Variants in DNAJA1 observed in about 807,000 individuals in gnomAD.
DNAJA1 encodes dnaJ homolog subfamily A member 1.
A neutral mutation model predicts 47.6 loss-of-function variants in DNAJA1; 26 were observed. The observed-to-expected ratio is 0.55, with a 90% CI of 0.40 to 0.76. The LOEUF (loss-of-function observed/expected upper bound fraction) is 0.76, where lower values mean the gene tolerates loss of function less well. Among genes scored for constraint, DNAJA1 ranks in the 30% least tolerant of loss-of-function variants. The pLI is 0.00. For synonymous variants in DNAJA1, 165 were observed against 158.4 expected (o/e 1.04, Z -0.31); for missense variants, 315 against 485.0 (o/e 0.65, Z 3.29).
At chr9:33,026,651 G>C (rs1281383423) in intron 2 of DNAJA1, 35 bp downstream of exon 2, 1 of 1,583,908 alleles carries the variant, frequency 6.3e-7, no homozygotes, top group Non-Finnish European at 8.5e-7. Context: ...TATCTGAATA[G>C]TTCTTTGCCA....
At chr9:33,025,852 C>T (rs939472428) in intron 1 of DNAJA1, among the ~76,000 whole-genome samples, 2 of 152,186 alleles carry the variant, frequency 1.3e-5, no homozygotes, top group African/African-American at 4.8e-5. Flanking sequence ...TTCCCCACCG[C>T]CACTTGGGTC....
At chr9:33,030,987 A>T (rs910069165) in intron 5 of DNAJA1, among the ~76,000 whole-genome samples, 1 of 152,238 alleles carries the variant, frequency 6.6e-6, no homozygotes, top group African/African-American at 2.4e-5. Flanking sequence ...TCCATCTTTT[A>T]AAACATTAGA....
At chr9:33,031,192 G>C (rs1243133302) in intron 5 of DNAJA1, among the ~76,000 whole-genome samples, 2 of 152,182 alleles carry the variant, frequency 1.3e-5, no homozygotes, top group Non-Finnish European at 2.9e-5. Context: ...TGCCTCCCGG[G>C]TTCAAGCAGT....
rs775563893 is a variant in DNAJA1 at position 33,037,012 on chromosome 9, T to C, written c.875-3T>C. 8 of 1,603,878 alleles carry C rather than the reference T, an allele frequency of 5.0e-6. No individual in the cohort carries two copies. The South Asian group carries it at 6.7e-5, about 14-fold the overall frequency. On this transcript the variant is annotated splice_region_variant and splice_polypyrimidine_tract_variant and intron_variant, in intron 7 of 8. Coordinates refer to ENST00000330899, the MANE Select transcript of DNAJA1 (RefSeq NM_001539.4). ...AGGAAGAACTTGGCTTCAATGTTTT[T>C]AGGTCAGATTGTCAAGCATGGAGAT...
At chr9:33,032,084 G>T (rs905640818) in intron 5 of DNAJA1, among the ~76,000 whole-genome samples, 1 of 152,114 alleles carries the variant, frequency 6.6e-6, no homozygotes, top group Admixed American at 6.5e-5. Flanking sequence ...TTATAAATGG[G>T]TCTACTATTA....
chr9:33,034,402 G>GT lies in DNAJA1; in HGVS notation c.758+80dup, dbSNP rs930669094. 256 of 1,223,028 alleles carry GT rather than the reference G, an allele frequency of 2.1e-4. 1 individual carries two copies. Among genetic ancestry groups the GT allele is most frequent in the Admixed American group, 7.7e-4 (32 of 41,480 alleles). The allele number at this position is 1,223,028 out of a possible 1,614,324, so 75.8% of individuals were successfully genotyped here. ...TGTTGGTTTTGTTTTTTGTTTTTTT[G>GT]TTTTTTTTAAAGTGTTTTCCATTAC... On this transcript the variant is annotated intron_variant, in intron 6 of 8. Coordinates refer to ENST00000330899, the MANE Select transcript of DNAJA1 (RefSeq NM_001539.4).
intron 3 of DNAJA1, 73 bp from the exon 4 acceptor site, chr9:33,029,812 C>A: frequency 1.6e-6 from 2 of 1,262,026 alleles, no homozygotes; most frequent in South Asian, 1.3e-5. Context: ...TTGCCACATT[C>A]TTTATAGTGC....
At chr9:33,031,332 A>G (rs1005579670) in intron 5 of DNAJA1, among the ~76,000 whole-genome samples, 1 of 152,198 alleles carries the variant, frequency 6.6e-6, no homozygotes, top group East Asian at 1.9e-4. Flanking sequence ...ACTTGACCTC[A>G]GGTGATGACC....
chr9:33,033,207 A>G (rs1282145925), intron 5 of DNAJA1, among the ~76,000 whole-genome samples: 2 of 151,134 alleles, frequency 1.3e-5, no homozygotes, highest in Admixed American at 1.3e-4. Flanking sequence ...CTGTTAGAAA[A>G]TACTCCTCCC....
chr9:33,038,993 CTT>C lies in DNAJA1; in HGVS notation c.*91_*92del, dbSNP rs1376182287. 9.7e-6 allele frequency: 12 copies of C among 1,235,716 alleles called. No homozygotes were observed. The African/African-American group carries it at 1.1e-4, about 11-fold the overall frequency. 76.5% of individuals were successfully genotyped at this position (1,235,716 alleles called of 1,614,324 possible). A position where few individuals can be genotyped will look rare whatever the true frequency, so the allele number is the denominator to read the frequency against. On this transcript the variant is annotated 3_prime_UTR_variant, in exon 9 of 9. Coordinates refer to ENST00000330899, the MANE Select transcript of DNAJA1 (RefSeq NM_001539.4). ...AATCATAATATGCTCACTACTTGCT[CTT>C]GTTTTTGTTTTAATAAACTATAGTA...
intron 3 of DNAJA1, among the ~76,000 whole-genome samples, chr9:33,027,957 G>A (rs1393885009): frequency 6.7e-6 from 1 of 150,054 alleles, no homozygotes; most frequent in Non-Finnish European, 1.5e-5. Context: ...CCCGGGAGGT[G>A]GAGGTTGCAG....
intron 1 of DNAJA1, 95 bp from the exon 2 acceptor site, chr9:33,026,380 A>C: frequency 2.2e-6 from 3 of 1,376,954 alleles, no homozygotes; most frequent in Non-Finnish European, 2.9e-6. Context: ...TGTTCTTATA[A>C]TCGGATTTTG....
intron 6 of DNAJA1, 121 bp downstream of exon 6, chr9:33,034,451 G>C (rs966760423): frequency 4.7e-5 from 34 of 720,578 alleles, no homozygotes; most frequent in Non-Finnish European, 7.1e-5. Flanking sequence ...TTCTCAGGAA[G>C]ATTGTTAACC....
At chr9:33,031,841 C>T (rs1352966828) in intron 5 of DNAJA1, among the ~76,000 whole-genome samples, 1 of 152,106 alleles carries the variant, frequency 6.6e-6, no homozygotes, top group Non-Finnish European at 1.5e-5. Flanking sequence ...TTTTTTTAGA[C>T]TTGACACTTC....
intron 2 of DNAJA1, 88 bp downstream of exon 2, chr9:33,026,704 T>C: frequency 3.2e-6 from 5 of 1,562,228 alleles, no homozygotes; most frequent in Non-Finnish European, 4.3e-6. Flanking sequence ...GAGTATCTAA[T>C]ATAGTAACTA....
rs1838935251 is a variant in DNAJA1 at position 33,030,007 on chromosome 9, T to G, written c.415+18T>G. 1 of 1,599,904 alleles carries G rather than the reference T, an allele frequency of 6.3e-7. No individual in the cohort carries two copies. Among genetic ancestry groups the G allele is most frequent in the African/African-American group, 1.3e-5 (1 of 74,088 alleles). On this transcript the variant is annotated intron_variant, in intron 4 of 8. Coordinates refer to ENST00000330899, the MANE Select transcript of DNAJA1 (RefSeq NM_001539.4). Reference sequence around the variant, plus strand: ...ATGTGAAGGTACGGTGTTTTTTTGTTTTGTTTTGTTTTGTTTTTAAGCACC... The same window carrying G: ...ATGTGAAGGTACGGTGTTTTTTTGTGTTGTTTTGTTTTGTTTTTAAGCACC...
intron 6 of DNAJA1, chr9:33,036,230 C>T (rs1307583790): frequency 6.4e-6 from 1 of 157,290 alleles, no homozygotes; most frequent in Non-Finnish European, 1.4e-5. Context: ...AGATGCGAAC[C>T]ACAGTGCCTG....
chr9:33,034,024 CTT>C (rs1179788771), intron 5 of DNAJA1, among the ~76,000 whole-genome samples, 190 bp from the exon 6 acceptor site: 2 of 152,190 alleles, frequency 1.3e-5, no homozygotes, highest in African/African-American at 4.8e-5. Context: ...AGGCTAGTCT[CTT>C]TGCCTCTGGA....
intron 6 of DNAJA1, among the ~76,000 whole-genome samples, chr9:33,034,766 T>G (rs1397721776): frequency 6.6e-6 from 1 of 152,206 alleles, no homozygotes; most frequent in Non-Finnish European, 1.5e-5. Flanking sequence ...TAAATTCAGG[T>G]CTACCATTTT....
Sources: allele counts gnomAD v4.1 joint callset (sites outside exome capture counted in the v4.1 genomes callset), GRCh38; gene constraint gnomAD v4.1.1; transcripts MANE v1.5; gene names NCBI Gene and HGNC (gene_info 2026-07-23, HGNC 2026-07-21).